Variants in AGBL4 observed in about 807,000 individuals in gnomAD.
AGBL4 encodes the protein AGBL carboxypeptidase 4.
AGBL4 carries 58 observed loss-of-function variants against 66.4 expected under a neutral mutation model. The ratio of observed to expected loss-of-function variants is 0.87; its 90% CI spans 0.71 to 1.09. The LOEUF (loss-of-function observed/expected upper bound fraction) is 1.09, where lower values mean the gene tolerates loss of function less well. Among genes scored for constraint, AGBL4 ranks in the 50% least tolerant of loss-of-function variants. The pLI is 0.00. For synonymous variants in AGBL4, 234 were observed against 222.9 expected (o/e 1.05, Z -0.44); for missense variants, 579 against 631.0 (o/e 0.92, Z 0.88).
At chr1:49,371,270 T>C (rs1269774978) in intron 3 of AGBL4, among the ~76,000 whole-genome samples, 2 of 151,888 alleles carry the variant, frequency 1.3e-5, no homozygotes, top group Non-Finnish European at 2.9e-5. Flanking sequence ...CATACATACA[T>C]ACATACATAC....
At chr1:49,309,085 T>C (rs903628604) in intron 3 of AGBL4, among the ~76,000 whole-genome samples, 7 of 152,102 alleles carry the variant, frequency 4.6e-5, no homozygotes, top group African/African-American at 1.7e-4. Context: ...CTATAGTGAT[T>C]ATAGCATAGG....
intron 9 of AGBL4, among the ~76,000 whole-genome samples, chr1:48,597,405 G>A (rs1206093321): frequency 6.6e-6 from 1 of 152,132 alleles, no homozygotes; most frequent in East Asian, 1.9e-4. Context: ...ATTGCAGATT[G>A]TGAAACATGC....
chr1:48,939,111 G>C (rs1191161928), intron 5 of AGBL4, among the ~76,000 whole-genome samples: 4 of 152,216 alleles, frequency 2.6e-5, no homozygotes, highest in Non-Finnish European at 5.9e-5. Flanking sequence ...TGCTATGCTA[G>C]AGCAACATCT....
chr1:48,645,395 A>G (rs1312712120), intron 8 of AGBL4, among the ~76,000 whole-genome samples: 1 of 152,136 alleles, frequency 6.6e-6, no homozygotes. Context: ...TGCCCTGCCT[A>G]CACCACAGGC....
At chr1:48,866,642 C>A (rs1444590567) in intron 6 of AGBL4, among the ~76,000 whole-genome samples, 2 of 152,190 alleles carry the variant, frequency 1.3e-5, no homozygotes, top group Non-Finnish European at 2.9e-5. Flanking sequence ...GGCCAGATGT[C>A]AGCTATAGAG....
rs1159520011 is a variant in AGBL4 at position 49,252,665 on chromosome 1, T to C, written c.283-6801A>G. ...TGTTAAAGGCAGCTAGAGAGAAAGG[T>C]CAGGTAACCTACAAATGGAAGCCCA... On this transcript the variant is annotated intron_variant, in intron 3 of 13. Transcript: ENST00000371839. Among the ~76,000 whole-genome samples, 5 of 152,210 alleles carry C rather than the reference T, an allele frequency of 3.3e-5. No homozygotes were observed. In the South Asian group the frequency reaches 8.3e-4, roughly 25 times the overall value.
chr1:48,748,981 C>T (rs1378601477), intron 6 of AGBL4, among the ~76,000 whole-genome samples: 1 of 151,994 alleles, frequency 6.6e-6, no homozygotes, highest in Non-Finnish European at 1.5e-5. Flanking sequence ...TGGGGCCATA[C>T]CCTCGGGGAA....
chr1:49,398,581 C>G (rs956136205), intron 3 of AGBL4, among the ~76,000 whole-genome samples: 3 of 152,156 alleles, frequency 2.0e-5, no homozygotes, highest in African/African-American at 7.2e-5. Context: ...TATACATATC[C>G]TACTGGTTGT....
At chr1:48,722,427 A>G (rs1333453567) in intron 6 of AGBL4, among the ~76,000 whole-genome samples, 1 of 152,190 alleles carries the variant, frequency 6.6e-6, no homozygotes, top group Non-Finnish European at 1.5e-5. Flanking sequence ...TGGGGACTGC[A>G]GGTGTGGCAC....
chr1:49,213,439 C>G (rs536314200), intron 4 of AGBL4, among the ~76,000 whole-genome samples: 1 of 152,042 alleles, frequency 6.6e-6, no homozygotes, highest in East Asian at 1.9e-4. Context: ...TTGGTGCTGT[C>G]TTCGTGATAA....
At chr1:49,674,861 G>A (rs986274587) in intron 3 of AGBL4, among the ~76,000 whole-genome samples, 2 of 152,092 alleles carry the variant, frequency 1.3e-5, no homozygotes, top group Non-Finnish European at 2.9e-5. Flanking sequence ...ACAAAATAGT[G>A]CTTGCACATG....
At chr1:49,052,584 T>C (rs540483438) in intron 4 of AGBL4, among the ~76,000 whole-genome samples, 7 of 152,262 alleles carry the variant, frequency 4.6e-5, no homozygotes, top group African/African-American at 1.4e-4. Context: ...GGATGGTACA[T>C]GAGGCAGTAT....
chr1:48,651,327 T>A (rs1013366496), intron 8 of AGBL4, among the ~76,000 whole-genome samples: 23 of 152,074 alleles, frequency 1.5e-4, no homozygotes, highest in African/African-American at 5.6e-4. Context: ...CTCATCACCA[T>A]CCCAGTGTCC....
chr1:49,812,434 G>A (rs1049047740), intron 2 of AGBL4, among the ~76,000 whole-genome samples: 1 of 152,138 alleles, frequency 6.6e-6, no homozygotes, highest in East Asian at 1.9e-4. Flanking sequence ...ACAGATAGAT[G>A]TTATACTTTG....
intron 5 of AGBL4, among the ~76,000 whole-genome samples, chr1:49,042,891 T>C (rs1643980450): frequency 6.6e-6 from 1 of 152,182 alleles, no homozygotes; most frequent in South Asian, 2.1e-4. Flanking sequence ...CCAGACATGT[T>C]CTTAATTCAT....
intron 2 of AGBL4, among the ~76,000 whole-genome samples, chr1:49,718,815 T>C (rs1648366405): frequency 6.6e-6 from 1 of 152,082 alleles, no homozygotes; most frequent in Non-Finnish European, 1.5e-5. Flanking sequence ...CATTTCCCTC[T>C]ACAAAAAATT....
At chr1:48,699,947 T>TAC (rs938478569) in intron 6 of AGBL4, among the ~76,000 whole-genome samples, 3 of 150,548 alleles carry the variant, frequency 2.0e-5, no homozygotes, top group African/African-American at 7.3e-5. Context: ...ACATTATATA[T>TAC]ATATATTTAG....
chr1:48,533,913 G>A lies in AGBL4; in HGVS notation c.*260C>T. The A allele has an allele frequency of 2.0e-6, 1 of 493,136 alleles. No individual in the cohort carries two copies. The highest frequency in any genetic ancestry group is 2.1e-5 in the South Asian group (1 of 48,042). 30.5% of individuals were successfully genotyped at this position (493,136 alleles called of 1,614,324 possible). On this transcript the variant is annotated 3_prime_UTR_variant, in exon 14 of 14. Transcript: ENST00000371839. ...TTTCCTCATCTTGGAAGATCTCTAT[G>A]TTGTAGAAAATAGCATCTGTGCTCA...
intron 1 of AGBL4, among the ~76,000 whole-genome samples, chr1:49,912,479 T>C (rs1046529082): frequency 1.3e-5 from 2 of 152,224 alleles, no homozygotes; most frequent in Non-Finnish European, 2.9e-5. Context: ...ATTCAAAGTG[T>C]TTTATAAATT....
Sources: allele counts gnomAD v4.1 joint callset (sites outside exome capture counted in the v4.1 genomes callset), GRCh38; gene constraint gnomAD v4.1.1; transcripts MANE v1.5; gene names NCBI Gene and HGNC (gene_info 2026-07-23, HGNC 2026-07-21).